CSF1R: variants seen among roughly 807,000 people sequenced by gnomAD.
CSF1R encodes macrophage colony-stimulating factor 1 receptor.
In CSF1R, 40 loss-of-function variants were observed where a neutral mutation model predicts 110.0. That is an observed-to-expected ratio of 0.36 (90% CI 0.28 to 0.47). CSF1R has a LOEUF of 0.47. Among genes scored for constraint, CSF1R ranks in the 20% least tolerant of loss-of-function variants. The probability of loss-of-function intolerance (pLI) is 0.99; values close to 1 mark genes in which losing one functional copy is unlikely to be tolerated. For synonymous variants in CSF1R, 523 were observed against 503.4 expected (o/e 1.04, Z -0.52); for missense variants, 1,052 against 1,253.0 (o/e 0.84, Z 2.42).
chr5:150,059,049 T>G (rs1250361494), intron 14 of CSF1R, among the ~76,000 whole-genome samples: 3 of 151,102 alleles, frequency 2.0e-5, no homozygotes, highest in Non-Finnish European at 4.4e-5. Flanking sequence ...CAGAGCCATC[T>G]CTCTTTTTTT....
At chr5:150,075,545 G>A (rs1164476396) in intron 5 of CSF1R, among the ~76,000 whole-genome samples, 3 of 152,208 alleles carry the variant, frequency 2.0e-5, no homozygotes, top group Non-Finnish European at 4.4e-5. Flanking sequence ...TCAAATATCA[G>A]CTTTCTAGTG....
chr5:150,061,940 G>C, intron 10 of CSF1R, 91 bp from the exon 11 acceptor site: 1 of 1,573,914 alleles, frequency 6.4e-7, no homozygotes, highest in Non-Finnish European at 8.6e-7. Flanking sequence ...GGTGTGGGCA[G>C]TCCCAAGGCG....
chr5:150,095,476 G>T lies in CSF1R; in HGVS notation c.-180-8869C>A, dbSNP rs796227913. 4.1e-4 allele frequency among the ~76,000 whole-genome samples: 63 copies of T among 152,128 alleles called. 1 individual carries two copies. Among genetic ancestry groups the T allele is most frequent in the African/African-American group, 1.3e-3 (56 of 41,502 alleles). On this transcript the variant is annotated intron_variant, in intron 1 of 21. Coordinates refer to the CSF1R transcript ENST00000286301. ...TGAAATTATTAACAAAAAGGTATCT[G>T]GGAAATTGAAAATATTTGGAAATTA...
chr5:150,053,875 G>T lies in CSF1R; in HGVS notation c.*194C>A, dbSNP rs1757045772. 1 of 624,126 alleles carries T rather than the reference G, an allele frequency of 1.6e-6. No individual in the cohort carries two copies. The allele number at this position is 624,126 out of a possible 1,614,324, so 38.7% of individuals were successfully genotyped here. A position where few individuals can be genotyped will look rare whatever the true frequency, so the allele number is the denominator to read the frequency against. ...CTCAGCCCCCAGCCCCTGACTGGCA[G>T]TGATGGCCCATGCTCAGGAAGTGGG... On this transcript the variant is annotated 3_prime_UTR_variant, in exon 21 of 21. Coordinates refer to ENST00000675795, the MANE Select transcript of CSF1R (RefSeq NM_001288705.3).
chr5:150,109,568 T>C (rs1348722241), intron 1 of CSF1R, among the ~76,000 whole-genome samples: 2 of 152,242 alleles, frequency 1.3e-5, no homozygotes, highest in Non-Finnish European at 2.9e-5. Context: ...CACCCACTTA[T>C]GACTTTTCTC....
chr5:150,087,749 T>C (rs774158948), upstream of CSF1R, among the ~76,000 whole-genome samples: 19 of 152,106 alleles, frequency 1.2e-4, no homozygotes, highest in Non-Finnish European at 2.2e-4. Flanking sequence ...TTTTTTTTTT[T>C]CTGAGACAGG....
chr5:150,080,673 T>G, intron 2 of CSF1R, 94 bp downstream of exon 2: 3 of 1,485,472 alleles, frequency 2.0e-6, no homozygotes, highest in Non-Finnish European at 2.8e-6. Context: ...ACTCAGTAAA[T>G]GCAGAGCTGA....
At chr5:150,070,378 G>C (rs923767926) in intron 7 of CSF1R, 76 bp from the exon 8 acceptor site, 1 of 1,583,292 alleles carries the variant, frequency 6.3e-7, no homozygotes, top group Non-Finnish European at 8.6e-7. Context: ...ACTTCCCTGT[G>C]CCCTGCCCCA....
chr5:150,106,978 G>T (rs919364567), intron 1 of CSF1R, among the ~76,000 whole-genome samples: 2 of 152,218 alleles, frequency 1.3e-5, no homozygotes, highest in Non-Finnish European at 2.9e-5. Context: ...TTCTGCAGCA[G>T]GAGTTTCCTG....
At chr5:150,110,013 C>T (rs551891786) in intron 1 of CSF1R, among the ~76,000 whole-genome samples, 2 of 152,130 alleles carry the variant, frequency 1.3e-5, no homozygotes, top group East Asian at 1.9e-4. Flanking sequence ...TGGATCTCTT[C>T]GCCCCCTTGC....
chr5:150,061,884 G>A (rs376759508), intron 10 of CSF1R, 35 bp from the exon 11 acceptor site: 58 of 1,613,222 alleles, frequency 3.6e-5, no homozygotes, highest in Non-Finnish European at 4.8e-5. Flanking sequence ...GGCAGTCGGG[G>A]CTGGCAGGCA....
intron 1 of CSF1R, among the ~76,000 whole-genome samples, chr5:150,084,382 AGAAAGAAAGAAGGAAG>A (rs1462132837): frequency 3.5e-3 from 170 of 49,016 alleles, no homozygotes; most frequent in Middle Eastern, 8.3e-3. Flanking sequence ...AAAGAAAGAA[AGAAAGAAAGAAGGAAG>A]GAAGGAAGGA....
At chr5:150,072,979 A>C (rs1171332547) in intron 6 of CSF1R, among the ~76,000 whole-genome samples, 1 of 152,168 alleles carries the variant, frequency 6.6e-6, no homozygotes, top group Non-Finnish European at 1.5e-5. Context: ...GATTGGCCCC[A>C]AGAGAGGAAA....
intron 1 of CSF1R, among the ~76,000 whole-genome samples, chr5:150,098,171 A>T (rs1310951862): frequency 6.6e-6 from 1 of 152,202 alleles, no homozygotes; most frequent in Non-Finnish European, 1.5e-5. Context: ...TACTGGAACA[A>T]CTGGCTATCC....
At chr5:150,056,383 A>T (rs149215919) in intron 16 of CSF1R, 42 bp from the exon 17 acceptor site, 1 of 1,610,138 alleles carries the variant, frequency 6.2e-7, no homozygotes. Context: ...GCCTTCTCCT[A>T]CCTGAGCCTG....
At chr5:150,057,630 A>C (rs754016717) in intron 14 of CSF1R, 38 bp from the exon 15 acceptor site, 4 of 1,481,672 alleles carry the variant, frequency 2.7e-6, no homozygotes, top group Non-Finnish European at 3.8e-6. Context: ...GAGGTCACTC[A>C]TCATCACTGC....
chr5:150,053,952 C>T lies in CSF1R; in HGVS notation c.*117G>A, dbSNP rs527573593. 10 of 1,050,046 alleles carry T rather than the reference C, an allele frequency of 9.5e-6. No individual in the cohort carries two copies. The East Asian group carries it at 1.0e-4, about 11-fold the overall frequency. 65.0% of individuals were successfully genotyped at this position (1,050,046 alleles called of 1,614,324 possible). On this transcript the variant is annotated 3_prime_UTR_variant, in exon 21 of 21. Transcript: ENST00000675795. ...ACCTTCCCAAGTTTCAGAGCTGGGC[C>T]GAGCTGTTGAGTGAAATGACCGAAG... is the stretch of plus-strand genomic sequence containing the variant.
chr5:150,063,232 C>T (rs574826924), intron 10 of CSF1R, among the ~76,000 whole-genome samples: 132 of 152,242 alleles, frequency 8.7e-4, no homozygotes, highest in African/African-American at 3.1e-3. Flanking sequence ...GTCTTGAACT[C>T]GTGAGCTCAA....
chr5:150,075,431 C>T (rs1236691183), intron 5 of CSF1R, among the ~76,000 whole-genome samples: 7 of 152,196 alleles, frequency 4.6e-5, no homozygotes, highest in Non-Finnish European at 1.0e-4. Flanking sequence ...GCCACACTGG[C>T]CCACTTGTCC....
Sources: gnomAD v4.1 joint callset for allele counts (sites outside exome capture counted in the v4.1 genomes callset) on GRCh38, gnomAD v4.1.1 for gene constraint, MANE v1.5 for transcripts, NCBI Gene and HGNC (gene_info 2026-07-23, HGNC 2026-07-21) for gene names.